Variants in SDK2 observed in about 807,000 individuals in gnomAD.
SDK2 encodes sidekick cell adhesion molecule 2.
In SDK2, 105 loss-of-function variants were observed where a neutral mutation model predicts 253.9. The ratio of observed to expected loss-of-function variants is 0.41; its 90% CI spans 0.35 to 0.49. The LOEUF is 0.49. Ranked by LOEUF, SDK2 falls within the 20% of genes least tolerant of loss-of-function variation. SDK2 has a pLI of 0.06. For missense variants in SDK2, 2,608 were observed against 3,003.0 expected, an observed-to-expected ratio of 0.87 and a Z score of 3.07; for synonymous variants, 1,249 against 1,234.9, an observed-to-expected ratio of 1.01 and a Z score of -0.24.
intron 2 of SDK2, among the ~76,000 whole-genome samples, chr17:73,494,464 G>A (rs2063828212): frequency 6.6e-6 from 1 of 152,154 alleles, no homozygotes; most frequent in Non-Finnish European, 1.5e-5. Flanking sequence ...GGGAGTGGGG[G>A]ACCCATTTTC....
At chr17:73,391,589 G>A (rs1412252767) in intron 27 of SDK2, 51 bp from the exon 28 acceptor site, 12 of 1,041,684 alleles carry the variant, frequency 1.2e-5, no homozygotes, top group Non-Finnish European at 1.5e-5. Context: ...CCGCTCAGCT[G>A]GGGATGAGCC....
chr17:73,430,376 C>T (rs889283061), intron 12 of SDK2, 135 bp downstream of exon 12: 3 of 666,012 alleles, frequency 4.5e-6, no homozygotes, highest in African/African-American at 3.7e-5. Flanking sequence ...GCACTCAGCT[C>T]TGGAAATGCC....
chr17:73,604,659 G>A (rs2045884327), intron 1 of SDK2, among the ~76,000 whole-genome samples: 2 of 152,208 alleles, frequency 1.3e-5, no homozygotes, highest in South Asian at 4.1e-4. Context: ...GAGGGGTGTG[G>A]AGAGAGAAAG....
At chr17:73,339,389 G>C (rs1045115530) in intron 44 of SDK2, among the ~76,000 whole-genome samples, 5 of 151,538 alleles carry the variant, frequency 3.3e-5, no homozygotes, top group African/African-American at 1.2e-4. Context: ...ACCACGCCTG[G>C]CTAATTTTTT....
At chr17:73,514,052 T>C (rs1373042210) in intron 1 of SDK2, among the ~76,000 whole-genome samples, 1 of 152,186 alleles carries the variant, frequency 6.6e-6, no homozygotes, top group Admixed American at 6.5e-5. Context: ...ACCACAGGTA[T>C]GAATTACTTA....
At chr17:73,365,107 T>G (rs2062672585) in intron 38 of SDK2, 151 bp downstream of exon 38, 1 of 518,878 alleles carries the variant, frequency 1.9e-6, no homozygotes, top group Non-Finnish European at 3.1e-6. Context: ...GAAATGCACT[T>G]TCCCTTGTCT....
At chr17:73,396,040 G>C (rs911532755) in intron 24 of SDK2, among the ~76,000 whole-genome samples, 1 of 152,018 alleles carries the variant, frequency 6.6e-6, no homozygotes, top group African/African-American at 2.4e-5. Context: ...TGGGACTATA[G>C]GCGTGTGCCA....
rs556428481 is a variant in SDK2 at position 73,429,941 on chromosome 17, C to T, written c.1583+570G>A. 2.3e-3 allele frequency among the ~76,000 whole-genome samples: 354 copies of T among 152,310 alleles called. 1 individual carries two copies. Among genetic ancestry groups the T allele is most frequent in the Non-Finnish European group, 3.8e-3 (256 of 68,022 alleles). ...AGTTACCTGGAAGCCAAGTCCCTTG[C>T]CAAGGTCCCGGCTTGGCCATGGAAG... On this transcript the variant is annotated intron_variant, in intron 12 of 44. Transcript: ENST00000392650.
chr17:73,580,404 C>A (rs1180026288), intron 1 of SDK2, among the ~76,000 whole-genome samples: 1 of 152,240 alleles, frequency 6.6e-6, no homozygotes, highest in Non-Finnish European at 1.5e-5. Flanking sequence ...TCCATGGGGC[C>A]CCCAGCTCTG....
intron 18 of SDK2, among the ~76,000 whole-genome samples, chr17:73,403,132 C>A (rs2145533311): frequency 6.6e-6 from 1 of 152,294 alleles, no homozygotes; most frequent in Non-Finnish European, 1.5e-5. Flanking sequence ...GAAACTGAGG[C>A]TCAAAGAGGC....
intron 27 of SDK2, among the ~76,000 whole-genome samples, chr17:73,391,938 C>A (rs1219427141): frequency 8.0e-6 from 1 of 124,586 alleles, no homozygotes; most frequent in Non-Finnish European, 1.6e-5. Flanking sequence ...GAAATGCCCA[C>A]CCCCAGCCTG....
At position 73,614,437 on chromosome 17, in the gene SDK2, C is replaced by A. The variant is rs2046021582; in HGVS notation, c.64+29588G>T. 7.3e-5 allele frequency among the ~76,000 whole-genome samples: 11 copies of A among 151,550 alleles called. 1 individual carries two copies. The highest frequency in any genetic ancestry group is 7.2e-4 in the Admixed American group (11 of 15,232). The stretch of plus-strand genomic sequence containing the variant: ...TTTACCTGCTTATACTCGTTTCCCC[C>A]TAGATGACTGTGAGTCAGGCTAGAC... On this transcript the variant is annotated intron_variant, in intron 1 of 44. Transcript: ENST00000392650.
intron 17 of SDK2, 72 bp downstream of exon 17, chr17:73,415,739 T>C (rs1298506654): frequency 2.2e-6 from 3 of 1,354,220 alleles, no homozygotes; most frequent in Non-Finnish European, 3.0e-6. Flanking sequence ...TCCTCCCGTC[T>C]TGGCGTCCCA....
Position 73,460,315 on chromosome 17 carries a change from G to A in SDK2, c.332-4262C>T, listed in dbSNP as rs559526647. The stretch of plus-strand genomic sequence containing the variant: ...GCTGGACATGTGAACAAACACGTGC[G>A]CCCTGAGAGGACTTCAGCCCCAGCC... On this transcript the variant is annotated intron_variant, in intron 3 of 44. Coordinates refer to ENST00000392650, the MANE Select transcript of SDK2 (RefSeq NM_001144952.2). Among the ~76,000 whole-genome samples, 315 of 152,292 alleles carry A rather than the reference G, an allele frequency of 2.1e-3. 3 individuals carry two copies. Among genetic ancestry groups the A allele is most frequent in the Non-Finnish European group, 3.8e-3 (261 of 68,038 alleles).
At chr17:73,507,833 G>A (rs796981693) in intron 1 of SDK2, among the ~76,000 whole-genome samples, 26 of 152,234 alleles carry the variant, frequency 1.7e-4, no homozygotes, top group East Asian at 5.8e-4. Context: ...CCCAGACCAC[G>A]CTGGGCTATT....
chr17:73,456,587 T>G (rs1387826286), intron 3 of SDK2, among the ~76,000 whole-genome samples: 2 of 152,180 alleles, frequency 1.3e-5, no homozygotes, highest in Non-Finnish European at 2.9e-5. Flanking sequence ...TGCTTGCAAA[T>G]GGGTGCAGAC....
intron 1 of SDK2, among the ~76,000 whole-genome samples, chr17:73,631,053 C>T (rs1363656446): frequency 6.6e-6 from 1 of 152,154 alleles, no homozygotes; most frequent in Non-Finnish European, 1.5e-5. Context: ...CTCCAGCCAC[C>T]TGAAGCCACA....
intron 36 of SDK2, among the ~76,000 whole-genome samples, chr17:73,371,789 A>G (rs912473178): frequency 6.6e-6 from 1 of 151,920 alleles, no homozygotes; most frequent in African/African-American, 2.4e-5. Context: ...GCGAAACTCT[A>G]TCTCTACTAA....
chr17:73,459,704 T>C (rs1036407882), intron 3 of SDK2, among the ~76,000 whole-genome samples: 12 of 149,030 alleles, frequency 8.1e-5, no homozygotes, highest in Admixed American at 5.3e-4. Flanking sequence ...ATTTCTTTCT[T>C]TTTTTTTTTT....
Sources: gnomAD v4.1 joint callset for allele counts (sites outside exome capture counted in the v4.1 genomes callset) on GRCh38, gnomAD v4.1.1 for gene constraint, MANE v1.5 for transcripts, NCBI Gene and HGNC (gene_info 2026-07-23, HGNC 2026-07-21) for gene names.